GATA6: variants seen among roughly 807,000 people sequenced by gnomAD.
GATA6 encodes the protein transcription factor GATA-6.
Under a neutral mutation model 48.1 loss-of-function variants are expected in GATA6, and 11 were observed. That is an observed-to-expected ratio of 0.23 (90% CI 0.14 to 0.38). The LOEUF (loss-of-function observed/expected upper bound fraction) is 0.38, where lower values mean the gene tolerates loss of function less well. GATA6 is among the 10% of genes least tolerant of loss of function. The pLI is 1.00. For synonymous variants in GATA6, 419 were observed against 396.1 expected, an observed-to-expected ratio of 1.06 and a Z score of -0.69; for missense variants, 795 against 850.3, an observed-to-expected ratio of 0.93 and a Z score of 0.81.
At chr18:22,194,739 T>TTGA (rs908757964) in intron 6 of GATA6, among the ~76,000 whole-genome samples, 21 of 142,896 alleles carry the variant, frequency 1.5e-4, no homozygotes, top group African/African-American at 5.3e-4. Context: ...ACACATCGTG[T>TTGA]TGATTCTCAG....
intron 6 of GATA6, among the ~76,000 whole-genome samples, chr18:22,197,341 C>A (rs377092308): frequency 6.6e-6 from 1 of 152,148 alleles, no homozygotes; most frequent in Non-Finnish European, 1.5e-5. Flanking sequence ...CGTGGGCCAC[C>A]GCGCCTGGCC....
intron 2 of GATA6, among the ~76,000 whole-genome samples, chr18:22,174,272 A>G (rs2033094047): frequency 6.6e-6 from 1 of 152,158 alleles, no homozygotes. Flanking sequence ...ATTTCTTGAC[A>G]CACCTTAGCC....
Position 22,170,859 on chromosome 18 carries a change from C to A in GATA6, c.-37-249C>A. ...GGAGGACGCGGGGACCGGAGCGGTGCCTTTGAGGGAGGGCTGGTATCCCAG... is the reference window on the plus strand; with the variant it reads ...GGAGGACGCGGGGACCGGAGCGGTGACTTTGAGGGAGGGCTGGTATCCCAG... On this transcript the variant is annotated intron_variant, in intron 1 of 6. Transcript: ENST00000269216. This position sits in a 1 kb window ranked among gnomAD's most constrained non-coding sequence, Gnocchi z 6.7. The A allele has an allele frequency of 1.9e-6, 1 of 520,118 alleles. No homozygotes were observed. Among genetic ancestry groups the A allele is most frequent in the Non-Finnish European group, 3.4e-6 (1 of 292,198 alleles). The allele number at this position is 520,118 out of a possible 1,614,324, so 32.2% of individuals were successfully genotyped here. A position where few individuals can be genotyped will look rare whatever the true frequency, so the allele number is the denominator to read the frequency against.
chr18:22,171,573 G>T lies in GATA6; in HGVS notation c.429G>T (p.Gln143His). The change falls in exon 2 of 7, where the codon CAG becomes CAT. Residue 143 changes from glutamine (Q) to histidine (H), a missense_variant. This residue lies in a region of GATA6 where 591 missense variants were observed against 570.0 expected (regional missense o/e 1.04). Transcript: ENST00000269216. The surrounding 1 kb of genome is among the most constrained non-coding windows in gnomAD (Gnocchi z 7.1). ...GAKLSPFAPEQPEEMYQTLAA... is the reference protein window; with the variant it reads ...GAKLSPFAPEHPEEMYQTLAA... ...AGCTGAGCCCCTTCGCACCCGAGCA[G>T]CCGGAGGAGATGTACCAGACCCTCG... 1 of 1,602,824 alleles carries T rather than the reference G, an allele frequency of 6.2e-7. No individual in the cohort carries two copies.
rs117093911 is a variant in GATA6 at position 22,177,800 on chromosome 18, C to T, written c.1302+679C>T. On this transcript the variant is annotated intron_variant, in intron 3 of 6. Coordinates refer to ENST00000269216, the MANE Select transcript of GATA6 (RefSeq NM_005257.6). ...TCAGGTGTATCCCCAAATACCATAT[C>T]TTGGATTGCCCTTGAGCCTGGTGAA... Among the ~76,000 whole-genome samples, 26 of 152,254 alleles carry T rather than the reference C, an allele frequency of 1.7e-4. 1 individual carries two copies. The East Asian group carries it at 4.8e-3, about 28-fold the overall frequency.
chr18:22,176,116 T>G (rs1463259872), intron 2 of GATA6, among the ~76,000 whole-genome samples: 2 of 152,244 alleles, frequency 1.3e-5, no homozygotes, highest in East Asian at 1.9e-4. Context: ...AATAAAATTA[T>G]GTAAAATAAA....
At chr18:22,174,503 A>G (rs2033096658) in intron 2 of GATA6, among the ~76,000 whole-genome samples, 1 of 152,064 alleles carries the variant, frequency 6.6e-6, no homozygotes, top group East Asian at 1.9e-4. Context: ...TTTTCTGTAG[A>G]CCCAGAAGAT....
At chr18:22,200,210 C>T (rs902201032) in intron 6 of GATA6, among the ~76,000 whole-genome samples, 5 of 151,928 alleles carry the variant, frequency 3.3e-5, no homozygotes, top group African/African-American at 1.2e-4. Context: ...TGCGCGCGCA[C>T]GCATGCGTGC....
At chr18:22,192,974 C>G (rs1390555764) in intron 6 of GATA6, among the ~76,000 whole-genome samples, 1 of 152,148 alleles carries the variant, frequency 6.6e-6, no homozygotes, top group African/African-American at 2.4e-5. Flanking sequence ...TTGCTTTCGT[C>G]TTCTTGAAAA....
At chr18:22,186,831 C>T (rs1373659960) in intron 6 of GATA6, among the ~76,000 whole-genome samples, 1 of 152,150 alleles carries the variant, frequency 6.6e-6, no homozygotes, top group African/African-American at 2.4e-5. Context: ...CTTCATGAGA[C>T]CTGTGTCTGG....
chr18:22,183,075 T>C (rs751347127), intron 6 of GATA6, 32 bp downstream of exon 6: 11 of 1,493,118 alleles, frequency 7.4e-6, no homozygotes, highest in Non-Finnish European at 1.0e-5. Flanking sequence ...ACTCCTAAAT[T>C]ACTGGGCTGC....
At chr18:22,178,254 C>G (rs753863561) in intron 3 of GATA6, among the ~76,000 whole-genome samples, 2 of 152,098 alleles carry the variant, frequency 1.3e-5, no homozygotes, top group African/African-American at 2.4e-5. Context: ...CGTGAGCCAC[C>G]GCGCCCGGCC....
Position 22,170,290 on chromosome 18 carries a change from G to T in GATA6, c.-38+608G>T, listed in dbSNP as rs977869757. Among the ~76,000 whole-genome samples the T allele has an allele frequency of 6.6e-6, 1 of 152,210 alleles. No individual in the cohort carries two copies. The highest frequency in any genetic ancestry group is 1.5e-5 in the Non-Finnish European group (1 of 68,038). On this transcript the variant is annotated intron_variant, in intron 1 of 6. Coordinates refer to ENST00000269216, the MANE Select transcript of GATA6 (RefSeq NM_005257.6). The surrounding 1 kb of genome is among the most constrained non-coding windows in gnomAD (Gnocchi z 6.7). Reference sequence around the variant, plus strand: ...TTTCTGCTGCTGGAGATGACCGCGGGGTGGGCCGGGTGGCCCGGCCGGCGT... The same window carrying T: ...TTTCTGCTGCTGGAGATGACCGCGGTGTGGGCCGGGTGGCCCGGCCGGCGT...
At chr18:22,177,611 A>G (rs1169367273) in intron 3 of GATA6, among the ~76,000 whole-genome samples, 1 of 152,162 alleles carries the variant, frequency 6.6e-6, no homozygotes, top group Non-Finnish European at 1.5e-5. Context: ...TTCACTGTGT[A>G]TGGTTTAGAT....
intron 6 of GATA6, among the ~76,000 whole-genome samples, chr18:22,183,708 T>C (rs2033226264): frequency 6.6e-6 from 1 of 152,190 alleles, no homozygotes; most frequent in Admixed American, 6.5e-5. Flanking sequence ...ACAGACTTAG[T>C]TTCTTATAAA....
chr18:22,177,098 C>T lies in GATA6; in HGVS notation c.1279C>T (p.Leu427Phe). ...YSKMNGLSRP[L>F]IKPQKRVPSS... ...CAAGATGAACGGCCTCAGCCGGCCCCTCATCAAGCCGCAGAAGCGCGTGGT... is the reference window on the plus strand; with the variant it reads ...CAAGATGAACGGCCTCAGCCGGCCCTTCATCAAGCCGCAGAAGCGCGTGGT... Residue 427 changes from leucine to phenylalanine, a missense_variant, in exon 3 of 7, where the codon CTC becomes TTC. Physicochemically the swap from Leu to Phe is conservative, Grantham distance 22. Around this residue, in one of 5 missense-constraint regions of GATA6, gnomAD observed 76 missense variants for 113.1 expected, o/e 0.67. Transcript: ENST00000269216. 1 of 1,553,700 alleles carries T rather than the reference C, an allele frequency of 6.4e-7. No homozygotes were observed. Among genetic ancestry groups the T allele is most frequent in the Non-Finnish European group, 8.7e-7 (1 of 1,150,740 alleles).
At chr18:22,182,386 TAACTC>T (rs1187961455) in intron 4 of GATA6, among the ~76,000 whole-genome samples, 1 of 151,260 alleles carries the variant, frequency 6.6e-6, no homozygotes, top group African/African-American at 2.4e-5. Context: ...AGATGGAGTC[TAACTC>T]TTGTTGCCCA....
chr18:22,189,402 A>G (rs1397335514), intron 6 of GATA6, among the ~76,000 whole-genome samples: 1 of 152,214 alleles, frequency 6.6e-6, no homozygotes, highest in Non-Finnish European at 1.5e-5. Flanking sequence ...TAGGTCCTGT[A>G]GCTTACTATG....
In GATA6 at chr18:22,191,009, C is replaced by G. The variant is rs1424902915; in HGVS notation, c.1620+7966C>G. Among the ~76,000 whole-genome samples, 11 of 133,844 alleles carry G rather than the reference C, an allele frequency of 8.2e-5. 1 individual carries two copies. The East Asian group carries it at 1.5e-3, about 18-fold the overall frequency. The allele number at this position is 133,844 out of a possible 152,430, so 87.8% of individuals were successfully genotyped here. A position where few individuals can be genotyped will look rare whatever the true frequency, so the allele number is the denominator to read the frequency against. On this transcript the variant is annotated intron_variant, in intron 6 of 6. Transcript: ENST00000269216. ...TGATCTCAAGGCTTTTTCTAGACTT[C>G]CTTTTTTTTTTTTTTTAAATCTCGT...
Sources: allele counts gnomAD v4.1 joint callset (sites outside exome capture counted in the v4.1 genomes callset), GRCh38; gene constraint gnomAD v4.1.1; regional missense constraint gnomAD v4.1.1; non-coding constraint Gnocchi (gnomAD v3.1); transcripts MANE v1.5; gene names NCBI Gene and HGNC (gene_info 2026-07-23, HGNC 2026-07-21).